Variants in RNF152 observed in about 807,000 individuals in gnomAD.
RNF152 encodes ring finger protein 152.
A neutral mutation model predicts 12.7 loss-of-function variants in RNF152; 11 were observed. That is an observed-to-expected ratio of 0.86 (90% CI 0.54 to 1.43). The LOEUF (loss-of-function observed/expected upper bound fraction) is 1.43. Among genes scored for constraint, RNF152 ranks in the 40% most tolerant of loss-of-function variants. The pLI is 0.00. For missense variants in RNF152, 255 were observed against 274.8 expected (o/e 0.93, Z 0.51); for synonymous variants, 113 against 120.3 (o/e 0.94, Z 0.40).
At chr18:61,870,890 A>G (rs563446433) in intron 1 of RNF152, among the ~76,000 whole-genome samples, 18 of 151,938 alleles carry the variant, frequency 1.2e-4, no homozygotes, top group Non-Finnish European at 1.8e-4. Flanking sequence ...CCATGATTCC[A>G]TCCCCCAAAT....
intron 1 of RNF152, chr18:61,888,638 T>C (rs966568228): frequency 1.3e-5 from 2 of 152,220 alleles, no homozygotes; most frequent in Non-Finnish European, 2.9e-5. Context: ...GTGTATTAAA[T>C]GCATTTTCCA....
intron 1 of RNF152, among the ~76,000 whole-genome samples, chr18:61,843,334 G>A (rs947279749): frequency 3.9e-5 from 6 of 152,128 alleles, no homozygotes; most frequent in Non-Finnish European, 8.8e-5. Context: ...CATCCTTCAG[G>A]ATTGTTGGCT....
chr18:61,826,240 G>A (rs1388309913), intron 1 of RNF152, among the ~76,000 whole-genome samples: 1 of 152,188 alleles, frequency 6.6e-6, no homozygotes, highest in Non-Finnish European at 1.5e-5. Context: ...AAACTTCTCA[G>A]AAATGAGAAC....
chr18:61,813,909 A>G lies in RNF152; in HGVS notation c.*1943T>C, dbSNP rs977810365. The G allele has an allele frequency of 1.3e-5, 2 of 152,232 alleles. No homozygotes were observed. Among genetic ancestry groups the G allele is most frequent in the African/African-American group, 4.8e-5 (2 of 41,446 alleles). 9.4% of individuals were successfully genotyped at this position (152,232 alleles called of 1,614,324 possible). On this transcript the variant is annotated 3_prime_UTR_variant, in exon 2 of 2. Coordinates refer to ENST00000312828, the MANE Select transcript of RNF152 (RefSeq NM_173557.3). ...CCAACAGTATATTATGTTATGTAAT[A>G]GAGGATAGTATTCAGCTAATATGAC... is the stretch of plus-strand genomic sequence containing the variant.
chr18:61,870,220 G>A (rs1234401855), intron 1 of RNF152, among the ~76,000 whole-genome samples: 1 of 152,132 alleles, frequency 6.6e-6, no homozygotes, highest in Admixed American at 6.5e-5. Context: ...AGCACAGCAG[G>A]GAGCTTTTGG....
chr18:61,839,054 C>CAA (rs35125130), intron 1 of RNF152, among the ~76,000 whole-genome samples: 1 of 127,804 alleles, frequency 7.8e-6, no homozygotes. Context: ...ACTCTGTGGC[C>CAA]AAAAAAAAAA....
intron 1 of RNF152, among the ~76,000 whole-genome samples, chr18:61,823,109 C>T (rs1392351955): frequency 5.7e-4 from 87 of 152,248 alleles, no homozygotes; most frequent in Non-Finnish European, 5.9e-5. Flanking sequence ...CAGGACACAA[C>T]TGCTGCATAC....
chr18:61,866,901 C>CAA (rs76513840), intron 1 of RNF152, among the ~76,000 whole-genome samples: 1 of 151,888 alleles, frequency 6.6e-6, no homozygotes, highest in African/African-American at 2.4e-5. Flanking sequence ...CAAAACAACA[C>CAA]AAAAAAAACA....
intron 1 of RNF152, among the ~76,000 whole-genome samples, chr18:61,878,068 C>A (rs71352551): frequency 0.12 from 17,684 of 152,160 alleles, 1,332 homozygotes; most frequent in East Asian, 0.41. Context: ...AGAAAGAGAA[C>A]GAGGGTAGAA....
chr18:61,866,601 T>A (rs1223523168), intron 1 of RNF152, among the ~76,000 whole-genome samples: 1 of 152,214 alleles, frequency 6.6e-6, no homozygotes, highest in Non-Finnish European at 1.5e-5. Flanking sequence ...ATGCCCTCCA[T>A]CTGCCCTCTA....
intron 1 of RNF152, among the ~76,000 whole-genome samples, chr18:61,822,462 G>A (rs1239745548): frequency 6.6e-6 from 1 of 152,122 alleles, no homozygotes; most frequent in African/African-American, 2.4e-5. Context: ...ATAATTTTAT[G>A]CATCTTTTGA....
intron 1 of RNF152, among the ~76,000 whole-genome samples, chr18:61,839,466 A>G (rs1910345003): frequency 6.6e-6 from 1 of 152,118 alleles, no homozygotes; most frequent in South Asian, 2.1e-4. Flanking sequence ...CTTGGTTTTT[A>G]CTTTTATTTT....
intron 1 of RNF152, among the ~76,000 whole-genome samples, chr18:61,858,982 G>A (rs1304360203): frequency 2.0e-5 from 3 of 151,828 alleles, no homozygotes; most frequent in Admixed American, 6.6e-5. Context: ...TTTCTTACGC[G>A]CCGGGTGATG....
chr18:61,860,369 C>T (rs567257738), intron 1 of RNF152, among the ~76,000 whole-genome samples: 1 of 152,326 alleles, frequency 6.6e-6, no homozygotes, highest in African/African-American at 2.4e-5. Flanking sequence ...AATGCAGTCA[C>T]GCACCACATA....
In RNF152 at chr18:61,809,248, C is replaced by T. The variant is rs1312263203; in HGVS notation, c.*6604G>A. 1 of 152,088 alleles carries T rather than the reference C, an allele frequency of 6.6e-6. No homozygotes were observed. Among genetic ancestry groups the T allele is most frequent in the African/African-American group, 2.4e-5 (1 of 41,398 alleles). The allele number at this position is 152,088 out of a possible 1,614,324, so 9.4% of individuals were successfully genotyped here. A position where few individuals can be genotyped will look rare whatever the true frequency, so the allele number is the denominator to read the frequency against. On this transcript the variant is annotated 3_prime_UTR_variant, in exon 2 of 2. Transcript: ENST00000312828. ...ACTTAATAGTTGCATTGTCCCTCAA[C>T]CCAGAAAATCCTATGAGGATTTGTA...
rs929587615 is a variant in RNF152 at position 61,813,118 on chromosome 18, G to A, written c.*2734C>T. 1 of 152,116 alleles carries A rather than the reference G, an allele frequency of 6.6e-6. No homozygotes were observed. Among genetic ancestry groups the A allele is most frequent in the Non-Finnish European group, 1.5e-5 (1 of 68,022 alleles). The allele number at this position is 152,116 out of a possible 1,614,324, so 9.4% of individuals were successfully genotyped here. On this transcript the variant is annotated 3_prime_UTR_variant, in exon 2 of 2. Transcript: ENST00000312828. ...GTGCAAGTATGAATCCTGGCCTCTTGTGTCAGTGGACTTTGGTCACATGGG... is the reference window on the plus strand; with the variant it reads ...GTGCAAGTATGAATCCTGGCCTCTTATGTCAGTGGACTTTGGTCACATGGG...
chr18:61,861,831 G>C (rs1026554332), intron 1 of RNF152, among the ~76,000 whole-genome samples: 1 of 152,102 alleles, frequency 6.6e-6, no homozygotes, highest in Non-Finnish European at 1.5e-5. Flanking sequence ...GAAACTAATA[G>C]AGTGAGAACT....
At chr18:61,881,189 G>A (rs1216823370) in intron 1 of RNF152, among the ~76,000 whole-genome samples, 1 of 152,102 alleles carries the variant, frequency 6.6e-6, no homozygotes, top group Non-Finnish European at 1.5e-5. Context: ...GCTGGGATTA[G>A]GTGTGATCCA....
chr18:61,882,081 A>C (rs940092204), intron 1 of RNF152, among the ~76,000 whole-genome samples: 1 of 152,212 alleles, frequency 6.6e-6, no homozygotes, highest in African/African-American at 2.4e-5. Flanking sequence ...AAACTTTTTG[A>C]GTGCAAACAT....
Sources: allele counts gnomAD v4.1 joint callset (sites outside exome capture counted in the v4.1 genomes callset), GRCh38; gene constraint gnomAD v4.1.1; transcripts MANE v1.5; gene names NCBI Gene and HGNC (gene_info 2026-07-23, HGNC 2026-07-21).